The following PTPRT variants were observed in gnomAD, a reference collection of about 807,000 sequenced individuals.
The protein encoded by PTPRT is protein tyrosine phosphatase receptor type T, also known as receptor-type tyrosine-protein phosphatase T.
In PTPRT, 56 loss-of-function variants were observed where a neutral mutation model predicts 176.8. That is an observed-to-expected ratio of 0.32 (90% CI 0.26 to 0.40). The LOEUF is 0.40. Ranked by LOEUF, PTPRT falls within the 10% of genes least tolerant of loss-of-function variation. The pLI is 1.00. For synonymous variants in PTPRT, 783 were observed against 739.0 expected (o/e 1.06, Z -0.96); for missense variants, 1,540 against 1,908.2 (o/e 0.81, Z 3.60).
At chr20:42,437,995 G>A (rs1445083130) in intron 9 of PTPRT, among the ~76,000 whole-genome samples, 1 of 152,194 alleles carries the variant, frequency 6.6e-6, no homozygotes, top group Non-Finnish European at 1.5e-5. Flanking sequence ...TGTTTAAAGA[G>A]ACACTTCACA....
intron 1 of PTPRT, among the ~76,000 whole-genome samples, chr20:43,119,735 C>T (rs113381549): frequency 3.3e-5 from 5 of 152,204 alleles, no homozygotes; most frequent in African/African-American, 1.2e-4. Flanking sequence ...TGCATAACAT[C>T]CCAGTACCAC....
Position 42,633,866 on chromosome 20 carries a change from ATC to A in PTPRT, c.1153+43998_1153+43999del, listed in dbSNP as rs2074479040. On this transcript the variant is annotated intron_variant, in intron 7 of 30. Coordinates refer to ENST00000373187, the MANE Select transcript of PTPRT (RefSeq NM_007050.6). ...ATAATATAATTTATTATATATAATTATCTATAATATATTATAATATAATTATT... is the reference window on the plus strand; with the variant it reads ...ATAATATAATTTATTATATATAATTATATAATATATTATAATATAATTATT... Among the ~76,000 whole-genome samples, 5 of 88,838 alleles carry A rather than the reference ATC, an allele frequency of 5.6e-5. No homozygotes were observed. The South Asian group carries it at 1.4e-3, about 25-fold the overall frequency. The allele number at this position is 88,838 out of a possible 152,430, so 58.3% of individuals were successfully genotyped here.
chr20:42,233,232 C>T (rs2056172314), intron 15 of PTPRT, among the ~76,000 whole-genome samples: 2 of 152,144 alleles, frequency 1.3e-5, no homozygotes, highest in Non-Finnish European at 2.9e-5. Flanking sequence ...ACCTAGACTC[C>T]ACTTCTGCAT....
chr20:42,707,917 T>A (rs1446997809), intron 6 of PTPRT, among the ~76,000 whole-genome samples: 1 of 152,194 alleles, frequency 6.6e-6, no homozygotes, highest in Non-Finnish European at 1.5e-5. Context: ...TATGCCCAGG[T>A]TTCTAACCTA....
In PTPRT at chr20:42,908,381, T is replaced by A. The variant is rs527426501; in HGVS notation, c.89-22449A>T. Among the ~76,000 whole-genome samples the A allele has an allele frequency of 2.0e-5, 3 of 152,234 alleles. No individual in the cohort carries two copies. The South Asian group carries it at 6.2e-4, about 32-fold the overall frequency. ...AACTTAGAAAAGAGACTATCTGACA[T>A]GAGAAAATAATTCACAACAAATAAT... On this transcript the variant is annotated intron_variant, in intron 1 of 30. Transcript: ENST00000373187.
intron 7 of PTPRT, among the ~76,000 whole-genome samples, chr20:42,664,067 A>C (rs1279545984): frequency 6.6e-6 from 1 of 152,212 alleles, no homozygotes; most frequent in Non-Finnish European, 1.5e-5. Flanking sequence ...ATTCCTTACC[A>C]ATACTGCTTA....
At chr20:42,251,145 C>T (rs539022648) in intron 13 of PTPRT, among the ~76,000 whole-genome samples, 88 of 152,276 alleles carry the variant, frequency 5.8e-4, no homozygotes, top group African/African-American at 2.0e-3. Flanking sequence ...TTGATAGAGT[C>T]TTTTTATTTA....
In PTPRT at chr20:42,209,003, C is replaced by T. The variant is rs190145108; in HGVS notation, c.2343-9615G>A. ...CAGGATTAAGAATCTCACTCAAAACCGCTCAACGACATGGAAACTGAACAA... is the reference window on the plus strand; with the variant it reads ...CAGGATTAAGAATCTCACTCAAAACTGCTCAACGACATGGAAACTGAACAA... On this transcript the variant is annotated intron_variant, in intron 15 of 30. Coordinates refer to ENST00000373187, the MANE Select transcript of PTPRT (RefSeq NM_007050.6). Among the ~76,000 whole-genome samples, 318 of 152,250 alleles carry T rather than the reference C, an allele frequency of 2.1e-3. 3 individuals carry two copies. Among genetic ancestry groups the T allele is most frequent in the Admixed American group, 0.016 (245 of 15,298 alleles).
the PTPRT span, among the ~76,000 whole-genome samples, chr20:42,060,644 G>T: frequency 6.6e-6 from 1 of 152,220 alleles, no homozygotes; most frequent in South Asian, 2.1e-4. Context: ...TGTAAGACAT[G>T]ACTTGTTCCT....
chr20:43,094,097 T>TC (rs1568781158), intron 1 of PTPRT, among the ~76,000 whole-genome samples: 1 of 149,684 alleles, frequency 6.7e-6, no homozygotes, highest in Non-Finnish European at 1.5e-5. Context: ...CTTTCTTTTT[T>TC]TTTTTTTTTT....
At chr20:42,635,963 C>T (rs777216752) in intron 7 of PTPRT, among the ~76,000 whole-genome samples, 2 of 152,118 alleles carry the variant, frequency 1.3e-5, no homozygotes, top group Non-Finnish European at 2.9e-5. Context: ...TTATTAACTA[C>T]TAGACTGTGA....
intron 16 of PTPRT, among the ~76,000 whole-genome samples, chr20:42,184,395 A>G (rs1465580530): frequency 6.6e-6 from 1 of 151,600 alleles, no homozygotes; most frequent in African/African-American, 2.4e-5. Context: ...TAAGGATTCT[A>G]TTTCCTGCTG....
chr20:42,282,484 C>G lies in PTPRT; in HGVS notation c.2176+5G>C. 1.2e-6 allele frequency: 2 copies of G among 1,610,052 alleles called. No individual in the cohort carries two copies. The highest frequency in any genetic ancestry group is 1.3e-5 in the African/African-American group (1 of 74,876). On this transcript the variant is annotated splice_donor_5th_base_variant and intron_variant, in intron 13 of 30. Coordinates refer to ENST00000373187, the MANE Select transcript of PTPRT (RefSeq NM_007050.6). ...GTGAAGACAGACAAGCAGATGCCAA[C>G]ATACCTTTTGTAGCCAGACGAACAC...
At chr20:42,758,238 G>A (rs1403220227) in intron 5 of PTPRT, among the ~76,000 whole-genome samples, 4 of 152,140 alleles carry the variant, frequency 2.6e-5, no homozygotes, top group East Asian at 1.9e-4. Context: ...CTCGCAACGC[G>A]ATCTTCATTG....
At position 42,715,488 on chromosome 20, in the gene PTPRT, T is replaced by G. The variant is rs563661471; in HGVS notation, c.860-37329A>C. ...TAAGAAAATAAAAATAAAAATCTGA[T>G]GACTAAAAACTACCATATCTAAAAT... On this transcript the variant is annotated intron_variant, in intron 6 of 30. Transcript: ENST00000373187. Among the ~76,000 whole-genome samples the G allele has an allele frequency of 4.6e-5, 7 of 152,106 alleles. No homozygotes were observed. The South Asian group carries it at 1.4e-3, about 31-fold the overall frequency.
intron 7 of PTPRT, among the ~76,000 whole-genome samples, chr20:42,627,503 A>G (rs918433685): frequency 6.6e-6 from 1 of 151,978 alleles, no homozygotes; most frequent in Non-Finnish European, 1.5e-5. Context: ...AACTCCTGGC[A>G]TCAAGCAATC....
At chr20:42,489,645 T>C (rs539328159) in intron 7 of PTPRT, among the ~76,000 whole-genome samples, 2 of 152,292 alleles carry the variant, frequency 1.3e-5, no homozygotes, top group South Asian at 4.1e-4. Flanking sequence ...GGTGTTGGGT[T>C]GTCTCACTGT....
chr20:42,629,479 T>C (rs144841492), intron 7 of PTPRT, among the ~76,000 whole-genome samples: 1 of 152,096 alleles, frequency 6.6e-6, no homozygotes, highest in East Asian at 1.9e-4. Context: ...TAAATGGAAA[T>C]GGAAATTTCT....
intron 7 of PTPRT, among the ~76,000 whole-genome samples, chr20:42,529,798 T>C (rs1280732396): frequency 1.3e-5 from 2 of 150,594 alleles, no homozygotes; most frequent in Admixed American, 6.6e-5. Flanking sequence ...CAAAGTAAAT[T>C]TTAAAATATC....
Sources: gnomAD v4.1 joint callset for allele counts (sites outside exome capture counted in the v4.1 genomes callset) on GRCh38, gnomAD v4.1.1 for gene constraint, MANE v1.5 for transcripts, NCBI Gene and HGNC (gene_info 2026-07-23, HGNC 2026-07-21) for gene names.